MFN2: variants seen among roughly 807,000 people sequenced by gnomAD.
MFN2 encodes the protein mitofusin-2.
Under a neutral mutation model 87.5 loss-of-function variants are expected in MFN2, and 43 were observed. That is an observed-to-expected ratio of 0.49 (90% CI 0.38 to 0.63). The LOEUF (loss-of-function observed/expected upper bound fraction) is 0.63. MFN2 is among the 30% of genes least tolerant of loss of function. MFN2 has a pLI of 0.00. For missense variants in MFN2, 743 were observed against 972.8 expected (o/e 0.76, Z 3.14); for synonymous variants, 337 against 359.9 (o/e 0.94, Z 0.72).
Position 12,003,915 on chromosome 1 carries a change from G to A in MFN2, c.1161-77G>A, listed in dbSNP as rs569543189. The A allele has an allele frequency of 2.4e-5, 38 of 1,598,572 alleles. 1 individual carries two copies. The South Asian group carries it at 4.1e-4, about 17-fold the overall frequency. On this transcript the variant is annotated intron_variant, in intron 11 of 18. Coordinates refer to ENST00000235329, the MANE Select transcript of MFN2 (RefSeq NM_014874.4). The surrounding 1 kb of genome is among the most constrained non-coding windows in gnomAD (Gnocchi z 4.1). ...GCAAGATAGCGGGCAGGGCGGCGTG[G>A]GATTTCTGGCATCCCCTCTTGCTCC...
chr1:12,007,013 A>G (rs371956100), intron 16 of MFN2, 40 bp from the exon 17 acceptor site: 2 of 1,611,490 alleles, frequency 1.2e-6, no homozygotes, highest in Non-Finnish European at 1.7e-6. Flanking sequence ...AGGGTGGGCC[A>G]CAGAGAGGCT....
At chr1:12,001,599 C>A in intron 9 of MFN2, 45 bp downstream of exon 9, 1 of 1,613,572 alleles carries the variant, frequency 6.2e-7, no homozygotes, top group Non-Finnish European at 8.5e-7. Flanking sequence ...ATGTTTGAGA[C>A]ATTTTGTCTC....
chr1:12,008,180 C>A (rs1362410768), intron 17 of MFN2, among the ~76,000 whole-genome samples: 1 of 152,250 alleles, frequency 6.6e-6, no homozygotes, highest in Non-Finnish European at 1.5e-5. Context: ...AATCTGATTT[C>A]TCTATCTTTT....
chr1:12,002,991 C>G (rs1002265168), intron 11 of MFN2, among the ~76,000 whole-genome samples: 12 of 152,262 alleles, frequency 7.9e-5, no homozygotes, highest in East Asian at 5.8e-4. Context: ...TCCCTCTATC[C>G]TTGTTAGTAT....
Position 12,004,816 on chromosome 1 carries a change from T to C in MFN2, c.1393-9T>C, listed in dbSNP as rs748004255. 11 of 1,612,592 alleles carry C rather than the reference T, an allele frequency of 6.8e-6. No homozygotes were observed. The South Asian group carries it at 1.2e-4, about 18-fold the overall frequency. ...CATGCTTCTCTTAACTTCCCTCTTC[T>C]GGTGGCAGGAGCTGCACCGCCACAT... is the stretch of plus-strand genomic sequence containing the variant. On this transcript the variant is annotated splice_polypyrimidine_tract_variant and intron_variant, in intron 13 of 18. Transcript: ENST00000235329. The surrounding 1 kb of genome is among the most constrained non-coding windows in gnomAD (Gnocchi z 4.2).
rs985987672 is a variant in MFN2, at chr1:11,994,805, C to T, written c.312-1351C>T. Among the ~76,000 whole-genome samples, 4 of 152,160 alleles carry T rather than the reference C, an allele frequency of 2.6e-5. No individual in the cohort carries two copies. The East Asian group carries it at 7.7e-4, about 29-fold the overall frequency. On this transcript the variant is annotated intron_variant, in intron 4 of 18. Coordinates refer to ENST00000235329, the MANE Select transcript of MFN2 (RefSeq NM_014874.4). ...AGGTGAGCTAGTGGGCTTCCTGTCT[C>T]ACTGGGTGCAGGTAAGGTCATTGTA... is the stretch of plus-strand genomic sequence containing the variant.
chr1:11,989,492 T>C, intron 3 of MFN2, 149 bp downstream of exon 3: 1 of 937,772 alleles, frequency 1.1e-6, no homozygotes, highest in Non-Finnish European at 1.6e-6. Context: ...TCATGTGGAA[T>C]TGGAGTCTGG....
At position 11,992,588 on chromosome 1, in the gene MFN2, C is replaced by T. The variant is rs878985218; in HGVS notation, c.209C>T (p.Thr70Ile). 1 of 1,614,194 alleles carries T rather than the reference C, an allele frequency of 6.2e-7. No homozygotes were observed. The highest frequency in any genetic ancestry group is 8.5e-7 in the Non-Finnish European group (1 of 1,180,038). The change falls in exon 4 of 19, where the codon ACC (threonine) becomes ATC (isoleucine). Residue 70 changes from threonine (T) to isoleucine (I), a missense_variant. Thr to Ile is a moderately conservative substitution (Grantham distance 89). This residue lies in a region of MFN2 where 141 missense variants were observed against 278.9 expected (regional missense o/e 0.51). Transcript: ENST00000235329. The part of the protein sequence containing the change: ...TYRNAELDPV[T>I]TEEQVLDVKG... ...AGGAATGCAGAACTGGACCCCGTTACCACAGAAGAACAGGTTCTGGACGTC... is the reference window on the plus strand; with the variant it reads ...AGGAATGCAGAACTGGACCCCGTTATCACAGAAGAACAGGTTCTGGACGTC...
chr1:11,984,077 C>T (rs1638286272), intron 2 of MFN2, among the ~76,000 whole-genome samples: 1 of 152,218 alleles, frequency 6.6e-6, no homozygotes, highest in Non-Finnish European at 1.5e-5. Context: ...TAACCTGGAG[C>T]TCCCAAGCTT....
intron 4 of MFN2, among the ~76,000 whole-genome samples, chr1:11,993,522 T>TC (rs1405231159): frequency 2.6e-5 from 4 of 152,006 alleles, no homozygotes; most frequent in Non-Finnish European, 4.4e-5. Context: ...GATCACGAGG[T>TC]CAGGAGATCG....
intron 3 of MFN2, 199 bp from the exon 4 acceptor site, chr1:11,992,356 C>A: frequency 1.5e-6 from 1 of 654,456 alleles, no homozygotes; most frequent in South Asian, 1.8e-5. Context: ...CAGAACCAGG[C>A]AGTGTTGCTC....
intron 5 of MFN2, among the ~76,000 whole-genome samples, chr1:11,996,695 G>C (rs536469323): frequency 6.6e-6 from 1 of 152,306 alleles, no homozygotes; most frequent in African/African-American, 2.4e-5. Flanking sequence ...TGAGTTTTCT[G>C]AGAGGCAGCT....
intron 2 of MFN2, among the ~76,000 whole-genome samples, chr1:11,984,823 G>C (rs562598247): frequency 5.3e-5 from 8 of 152,314 alleles, no homozygotes; most frequent in African/African-American, 1.9e-4. Flanking sequence ...TGCTCAGGGA[G>C]GGCACAGAAA....
Position 12,006,571 on chromosome 1 carries a change from C to A in MFN2, c.1750C>A (p.Pro584Thr), listed in dbSNP as rs773308500. 35 of 1,614,236 alleles carry A rather than the reference C, an allele frequency of 2.2e-5. No homozygotes were observed. The highest frequency in any genetic ancestry group is 3.0e-5 in the Non-Finnish European group (35 of 1,180,048). ...TCCCATCCCTCTGACGCCAGCCAAC[C>A]CCAGCATGCCCCCACTGCCACAGGG... ...QRPIPLTPAN[P>T]SMPPLPQGSL... Residue 584 changes from proline to threonine, a missense_variant, in exon 16 of 19, where the codon CCC (proline) becomes ACC (threonine). Coordinates refer to ENST00000235329, the MANE Select transcript of MFN2 (RefSeq NM_014874.4).
chr1:11,999,775 G>A (rs190226682), intron 8 of MFN2, among the ~76,000 whole-genome samples: 20 of 152,022 alleles, frequency 1.3e-4, no homozygotes, highest in Admixed American at 9.8e-4. Flanking sequence ...CACCTTGGGC[G>A]ACGTAGCAAA....
chr1:11,992,426 C>T (rs1638726966), intron 3 of MFN2, 129 bp from the exon 4 acceptor site: 6 of 1,174,254 alleles, frequency 5.1e-6, no homozygotes, highest in Admixed American at 1.7e-5. Context: ...GGAGCTCAGC[C>T]TGTCGGCTGC....
Position 12,012,291 on chromosome 1 carries a change from G to A in MFN2, c.*726G>A, listed in dbSNP as rs969675259. Reference sequence around the variant, plus strand: ...CAGTCACTGGGACAAGGAGGGACTTGCCTCTCTTCTCATTATTGTGTCCTT... The same window carrying A: ...CAGTCACTGGGACAAGGAGGGACTTACCTCTCTTCTCATTATTGTGTCCTT... On this transcript the variant is annotated 3_prime_UTR_variant, in exon 19 of 19. Coordinates refer to ENST00000235329, the MANE Select transcript of MFN2 (RefSeq NM_014874.4). The A allele has an allele frequency of 6.5e-6, 1 of 154,910 alleles. No homozygotes were observed. The highest frequency in any genetic ancestry group is 2.4e-5 in the African/African-American group (1 of 41,456). The allele number at this position is 154,910 out of a possible 1,614,324, so 9.6% of individuals were successfully genotyped here. A position where few individuals can be genotyped will look rare whatever the true frequency, so the allele number is the denominator to read the frequency against.
intron 6 of MFN2, 64 bp downstream of exon 6, chr1:11,997,485 A>G: frequency 6.2e-7 from 1 of 1,608,142 alleles, no homozygotes; most frequent in South Asian, 1.1e-5. Flanking sequence ...ATTTCTGGAT[A>G]ATCTAGGCCA....
chr1:12,008,795 T>C (rs371411458), intron 17 of MFN2, among the ~76,000 whole-genome samples: 11,473 of 151,446 alleles, frequency 0.076, 522 homozygotes, highest in East Asian at 0.13. Context: ...TCCTCACTTC[T>C]CAGACGGGGT....
Sources: gnomAD v4.1 joint callset for allele counts (sites outside exome capture counted in the v4.1 genomes callset) on GRCh38, gnomAD v4.1.1 for gene constraint, gnomAD v4.1.1 regional missense constraint, Gnocchi (gnomAD v3.1) non-coding constraint, MANE v1.5 for transcripts, NCBI Gene and HGNC (gene_info 2026-07-23, HGNC 2026-07-21) for gene names.